Variants in TCF7L2 observed in about 807,000 individuals in gnomAD.
TCF7L2 encodes transcription factor 7 like 2, also known as transcription factor 7-like 2.
TCF7L2 carries 23 observed loss-of-function variants against 77.9 expected under a neutral mutation model. The observed-to-expected ratio is 0.30, with a 90% CI of 0.21 to 0.42. The LOEUF (loss-of-function observed/expected upper bound fraction) is 0.42. Among genes scored for constraint, TCF7L2 ranks in the 10% least tolerant of loss-of-function variants. TCF7L2 has a pLI of 1.00. For missense variants in TCF7L2, 654 were observed against 793.1 expected (o/e 0.82, Z 2.11); for synonymous variants, 413 against 340.2 (o/e 1.21, Z -2.36).
intron 5 of TCF7L2, among the ~76,000 whole-genome samples, chr10:113,121,775 AACACAC>A (rs59915449): frequency 3.4e-5 from 5 of 149,064 alleles, no homozygotes; most frequent in Admixed American, 1.3e-4. Flanking sequence ...ACATACACAC[AACACAC>A]ACACACACAC....
chr10:112,957,847 T>C lies in TCF7L2; in HGVS notation c.381+6240T>C, dbSNP rs143263308. On this transcript the variant is annotated intron_variant, in intron 3 of 13. Transcript: ENST00000627217. ...TTGTCCTGCTGATTTTAATTTATGT[T>C]GAAAAAGTGGGCTGTTCTGGTGTAT... is the stretch of plus-strand genomic sequence containing the variant. 2.7e-3 allele frequency among the ~76,000 whole-genome samples: 417 copies of C among 152,232 alleles called. 1 individual carries two copies. The highest frequency in any genetic ancestry group is 4.6e-3 in the Non-Finnish European group (310 of 67,990).
At chr10:113,124,873 C>T (rs1017024358) in intron 5 of TCF7L2, among the ~76,000 whole-genome samples, 3 of 151,792 alleles carry the variant, frequency 2.0e-5, no homozygotes, top group African/African-American at 7.3e-5. Context: ...ATCTTGGCTC[C>T]GAAGGAGTCT....
intron 2 of TCF7L2, 83 bp from the exon 3 acceptor site, chr10:112,951,400 C>T (rs1277320700): frequency 6.4e-6 from 8 of 1,241,200 alleles, no homozygotes; most frequent in Non-Finnish European, 8.3e-6. Context: ...CCCGGCCCCT[C>T]GGGGCACTTT....
At chr10:113,072,345 C>T (rs2058132296) in intron 5 of TCF7L2, among the ~76,000 whole-genome samples, 1 of 150,330 alleles carries the variant, frequency 6.7e-6, no homozygotes, top group Admixed American at 6.6e-5. Context: ...TGAGTCACCG[C>T]GCCTGGCCTT....
At chr10:113,029,031 ATTAT>A (rs757460824) in intron 4 of TCF7L2, among the ~76,000 whole-genome samples, 2 of 152,126 alleles carry the variant, frequency 1.3e-5, no homozygotes, top group Non-Finnish European at 2.9e-5. Context: ...ACCTGATATA[ATTAT>A]TTGTCTTCAT....
intron 4 of TCF7L2, among the ~76,000 whole-genome samples, chr10:113,028,546 GA>G (rs895481647): frequency 1.1e-4 from 16 of 151,872 alleles, no homozygotes; most frequent in African/African-American, 3.6e-4. Flanking sequence ...GTGACAAGGG[GA>G]AAAAAAACAA....
intron 5 of TCF7L2, chr10:113,129,612 A>G: frequency 8.7e-7 from 1 of 1,147,394 alleles, no homozygotes; most frequent in Non-Finnish European, 1.1e-6. Flanking sequence ...GATTAACAAG[A>G]TAATTCTAGG....
At chr10:113,021,690 T>A (rs1002005179) in intron 4 of TCF7L2, among the ~76,000 whole-genome samples, 6 of 152,232 alleles carry the variant, frequency 3.9e-5, no homozygotes, top group African/African-American at 1.4e-4. Flanking sequence ...AACACCAGAA[T>A]TGGTCTGACT....
chr10:112,991,633 G>T (rs2042570194), intron 4 of TCF7L2, among the ~76,000 whole-genome samples: 1 of 152,192 alleles, frequency 6.6e-6, no homozygotes, highest in Non-Finnish European at 1.5e-5. Flanking sequence ...GGGACAGCCA[G>T]CTCTCTTTAG....
intron 4 of TCF7L2, among the ~76,000 whole-genome samples, chr10:112,984,298 C>T (rs2041059594): frequency 6.6e-6 from 1 of 152,108 alleles, no homozygotes; most frequent in South Asian, 2.1e-4. Flanking sequence ...AATCAGAAAG[C>T]TATGTTTTTG....
chr10:113,089,562 C>T (rs766614863), intron 5 of TCF7L2: 23 of 1,611,990 alleles, frequency 1.4e-5, no homozygotes, highest in East Asian at 2.2e-5. Flanking sequence ...AGCAGAATCA[C>T]GGTATGAGAT....
At chr10:112,974,400 G>A (rs868272047) in intron 4 of TCF7L2, among the ~76,000 whole-genome samples, 62 of 152,132 alleles carry the variant, frequency 4.1e-4, no homozygotes, top group African/African-American at 1.2e-3. Flanking sequence ...CGGCAGGTGG[G>A]CCTCGAGGTC....
intron 5 of TCF7L2, among the ~76,000 whole-genome samples, chr10:113,091,589 T>C (rs148552652): frequency 0.028 from 4,287 of 152,244 alleles, 211 homozygotes; most frequent in African/African-American, 0.097. Flanking sequence ...TGGTGGCGCG[T>C]GCCCGTACTC....
intron 4 of TCF7L2, among the ~76,000 whole-genome samples, chr10:112,997,253 G>A (rs1358657765): frequency 6.6e-6 from 1 of 152,224 alleles, no homozygotes; most frequent in Admixed American, 6.5e-5. Context: ...CTGAAGGTAC[G>A]CTGGTTTAGA....
rs1485651051 is a variant in TCF7L2 at position 112,978,621 on chromosome 10, C to T, written c.450+13997C>T. ...AGCTGGGACTACAGGCACCTGCCAC[C>T]ACGCCTGGCTAATTTTTTTTTTTTT... is the stretch of plus-strand genomic sequence containing the variant. On this transcript the variant is annotated intron_variant, in intron 4 of 13. Transcript: ENST00000627217. Among the ~76,000 whole-genome samples, 7 of 150,198 alleles carry T rather than the reference C, an allele frequency of 4.7e-5. No individual in the cohort carries two copies. The Admixed American group carries it at 4.7e-4, about 10-fold the overall frequency.
chr10:113,160,562 C>T (rs117423278), intron 12 of TCF7L2: 24,947 of 1,493,644 alleles, frequency 0.017, 277 homozygotes, highest in Non-Finnish European at 0.021. Context: ...ATTTCACATC[C>T]AACTGAGCAC....
At chr10:113,143,847 C>A (rs2068807323) in intron 6 of TCF7L2, 76 bp from the exon 7 acceptor site, 2 of 1,074,046 alleles carry the variant, frequency 1.9e-6, no homozygotes, top group Non-Finnish European at 2.8e-6. Context: ...TCCTCCTTTC[C>A]CTGTTCCCAT....
chr10:113,092,882 G>T (rs2060548442), intron 5 of TCF7L2, among the ~76,000 whole-genome samples: 1 of 152,018 alleles, frequency 6.6e-6, no homozygotes, highest in Admixed American at 6.6e-5. Context: ...GGTTGGTGGG[G>T]GCAGGGTAAG....
chr10:113,098,858 T>C (rs1346240641), intron 5 of TCF7L2, among the ~76,000 whole-genome samples: 3 of 152,268 alleles, frequency 2.0e-5, no homozygotes, highest in African/African-American at 4.8e-5. Flanking sequence ...GTACATGTCC[T>C]GTTGCTGCCT....
Sources: gnomAD v4.1 joint callset for allele counts (sites outside exome capture counted in the v4.1 genomes callset) on GRCh38, gnomAD v4.1.1 for gene constraint, MANE v1.5 for transcripts, NCBI Gene and HGNC (gene_info 2026-07-23, HGNC 2026-07-21) for gene names.